The following CEP192 variants were observed in gnomAD, a reference collection of about 807,000 sequenced individuals.
CEP192 encodes the protein centrosomal protein of 192 kDa.
CEP192 carries 151 observed loss-of-function variants against 271.8 expected under a neutral mutation model. The ratio of observed to expected loss-of-function variants is 0.56; its 90% CI spans 0.49 to 0.64. The LOEUF is 0.64. Among genes scored for constraint, CEP192 ranks in the 30% least tolerant of loss-of-function variants. The pLI, the probability that CEP192 is intolerant of heterozygous loss-of-function variation, is 0.00. For missense variants in CEP192, 2,910 were observed against 3,020.5 expected (o/e 0.96, Z 0.86); for synonymous variants, 995 against 1,076.5 (o/e 0.92, Z 1.48).
At position 13,053,005 on chromosome 18, in the gene CEP192, C is replaced by G; in HGVS notation, c.3104C>G (p.Ala1035Gly). ...TTGTCTCCCTTGGTGTGCTCGCCTG[C>G]TGGGGTGAGCAGGCTGACGTATGTG... ...QELSPLVCSP[A>G]GVSRLTYVSE... Residue 1035 changes from alanine (A) to glycine (G), a missense_variant, in exon 18 of 45, where the codon GCT (alanine) becomes GGT (glycine). Physicochemically the swap from Ala to Gly is moderately conservative, Grantham distance 60. Coordinates refer to ENST00000506447, the MANE Select transcript of CEP192 (RefSeq NM_032142.4). 6.2e-7 allele frequency: 1 copy of G among 1,613,948 alleles called. No individual in the cohort carries two copies. Among genetic ancestry groups the G allele is most frequent in the Non-Finnish European group, 8.5e-7 (1 of 1,179,860 alleles).
chr18:13,064,310 G>A (rs1196153200), intron 21 of CEP192, among the ~76,000 whole-genome samples: 1 of 151,566 alleles, frequency 6.6e-6, no homozygotes, highest in Non-Finnish European at 1.5e-5. Context: ...TGGCACCTTT[G>A]TCAAAAATGA....
chr18:13,100,251 C>A, intron 37 of CEP192, 54 bp from the exon 38 acceptor site: 4 of 1,220,638 alleles, frequency 3.3e-6, no homozygotes, highest in East Asian at 2.4e-5. Context: ...GGAATTGTTT[C>A]GTTTAAAGTG....
At chr18:13,087,418 G>C in intron 31 of CEP192, 113 bp from the exon 32 acceptor site, 1 of 924,054 alleles carries the variant, frequency 1.1e-6, no homozygotes, top group South Asian at 1.8e-5. Flanking sequence ...GAAATGCCAT[G>C]CGTATGCACT....
At chr18:13,064,707 C>T (rs1463543868) in intron 21 of CEP192, among the ~76,000 whole-genome samples, 6 of 151,786 alleles carry the variant, frequency 4.0e-5, no homozygotes, top group Non-Finnish European at 1.5e-5. Context: ...GGTTTTATGC[C>T]AGTACCATGC....
intron 9 of CEP192, 26 bp from the exon 10 acceptor site, chr18:13,029,636 TA>T: frequency 7.2e-7 from 1 of 1,386,388 alleles, no homozygotes; most frequent in Non-Finnish European, 9.7e-7. Flanking sequence ...GTTGCTCTGT[TA>T]AAAAATCTGA....
intron 9 of CEP192, among the ~76,000 whole-genome samples, chr18:13,021,274 G>A (rs138518340): frequency 0.013 from 2,027 of 152,176 alleles, 35 homozygotes; most frequent in African/African-American, 0.045. Flanking sequence ...GATTTGTTTC[G>A]AGTTTATTTT....
chr18:13,068,456 A>G, intron 24 of CEP192, 34 bp downstream of exon 24: 1 of 1,468,476 alleles, frequency 6.8e-7, no homozygotes, highest in Non-Finnish European at 9.4e-7. Flanking sequence ...AATTGCTTTA[A>G]TCTGTAGCTA....
chr18:13,118,089 A>G (rs1438878078), intron 44 of CEP192, among the ~76,000 whole-genome samples: 2 of 152,142 alleles, frequency 1.3e-5, no homozygotes, highest in East Asian at 3.8e-4. Context: ...CATTCTTTAG[A>G]CACTCCTTAC....
At chr18:13,096,433 A>G (rs1390009378) in intron 36 of CEP192, 126 bp downstream of exon 36, 9 of 1,265,014 alleles carry the variant, frequency 7.1e-6, no homozygotes, top group Non-Finnish European at 9.8e-6. Flanking sequence ...CTCTGCACAA[A>G]GCATGTGCAT....
At chr18:13,114,345 A>T (rs1304948305) in intron 42 of CEP192, 94 bp downstream of exon 42, 2 of 1,326,994 alleles carry the variant, frequency 1.5e-6, no homozygotes, top group African/African-American at 1.5e-5. Flanking sequence ...CTGAGTTCAC[A>T]TGTGTTACCA....
chr18:13,017,727 A>G (rs575981000), intron 7 of CEP192, among the ~76,000 whole-genome samples: 21 of 152,346 alleles, frequency 1.4e-4, no homozygotes, highest in Admixed American at 1.0e-3. Flanking sequence ...ATTTTCCTGC[A>G]TAACCACAAT....
At chr18:13,035,345 C>T (rs909863131) in intron 11 of CEP192, among the ~76,000 whole-genome samples, 1 of 152,186 alleles carries the variant, frequency 6.6e-6, no homozygotes. Flanking sequence ...CTTGGACTTA[C>T]AGTTCCACGT....
chr18:13,027,710 A>G (rs1332000526), intron 9 of CEP192, among the ~76,000 whole-genome samples: 2 of 152,160 alleles, frequency 1.3e-5, no homozygotes, highest in Non-Finnish European at 2.9e-5. Context: ...GGAAGCTCGA[A>G]GTTGTAACTG....
In CEP192 at chr18:13,000,091, CTTTTTTTTTT is replaced by C. The variant is rs775544715; in HGVS notation, c.164+521_164+530del. Among the ~76,000 whole-genome samples, 51 of 76,754 alleles carry C rather than the reference CTTTTTTTTTT, an allele frequency of 6.6e-4. 1 individual carries two copies. Among genetic ancestry groups the C allele is most frequent in the African/African-American group, 1.7e-3 (40 of 23,500 alleles). 50.4% of individuals were successfully genotyped at this position (76,754 alleles called of 152,430 possible). On this transcript the variant is annotated intron_variant, in intron 2 of 44. Coordinates refer to ENST00000506447, the MANE Select transcript of CEP192 (RefSeq NM_032142.4). ...CTCTGTATAACTCATTGTCTTCTCT[CTTTTTTTTTT>C]TTTTTTTTTTTTTTTTTGCTAATTA...
intron 4 of CEP192, 70 bp downstream of exon 4, chr18:13,008,701 G>T: frequency 5.9e-6 from 7 of 1,182,166 alleles, no homozygotes; most frequent in Non-Finnish European, 8.1e-6. Flanking sequence ...CTTATCTTTG[G>T]ATTTTTTTTT....
At chr18:13,009,014 GTTT>G (rs10586819) in intron 4 of CEP192, among the ~76,000 whole-genome samples, 44 of 120,442 alleles carry the variant, frequency 3.7e-4, no homozygotes, top group South Asian at 5.6e-4. Context: ...TGGCCTTTTT[GTTT>G]TTTTTTTTTT....
At chr18:13,003,766 C>T (rs928524800) in intron 3 of CEP192, among the ~76,000 whole-genome samples, 1 of 152,164 alleles carries the variant, frequency 6.6e-6, no homozygotes, top group South Asian at 2.1e-4. Flanking sequence ...CACCACTGCA[C>T]TCTAGTCTGG....
chr18:13,071,412 G>A (rs1040409636), intron 28 of CEP192, among the ~76,000 whole-genome samples, 200 bp downstream of exon 28: 6 of 152,156 alleles, frequency 3.9e-5, no homozygotes, highest in Admixed American at 6.6e-5. Context: ...AGCACCTGAC[G>A]CATGACCAAC....
chr18:13,084,280 A>G (rs528438936), intron 30 of CEP192, among the ~76,000 whole-genome samples: 1 of 152,262 alleles, frequency 6.6e-6, no homozygotes, highest in East Asian at 1.9e-4. Context: ...GGCTCCACCC[A>G]GTTCGAGCTT....
Sources: allele counts gnomAD v4.1 joint callset (sites outside exome capture counted in the v4.1 genomes callset), GRCh38; gene constraint gnomAD v4.1.1; transcripts MANE v1.5; gene names NCBI Gene and HGNC (gene_info 2026-07-23, HGNC 2026-07-21).